Variants in KANK2 observed in about 807,000 individuals in gnomAD.
KANK2 encodes KN motif and ankyrin repeat domains 2, also known as KN motif and ankyrin repeat domain-containing protein 2.
A neutral mutation model predicts 74.6 loss-of-function variants in KANK2; 41 were observed. That is an observed-to-expected ratio of 0.55 (90% CI 0.43 to 0.71). The LOEUF (loss-of-function observed/expected upper bound fraction) is 0.71, where lower values mean the gene tolerates loss of function less well. Among genes scored for constraint, KANK2 ranks in the 30% least tolerant of loss-of-function variants. The pLI, the probability that KANK2 is intolerant of heterozygous loss-of-function variation, is 0.00. For synonymous variants in KANK2, 537 were observed against 519.0 expected, an observed-to-expected ratio of 1.03 and a Z score of -0.47; for missense variants, 1,148 against 1,196.4, an observed-to-expected ratio of 0.96 and a Z score of 0.60.
intron 3 of KANK2, 51 bp downstream of exon 3, chr19:11,194,424 T>A: frequency 6.6e-7 from 1 of 1,506,492 alleles, no homozygotes; most frequent in African/African-American, 1.4e-5. Flanking sequence ...CCCTCAGGCC[T>A]CCAGAACTGA....
chr19:11,196,057 C>CTT (rs34366498), intron 1 of KANK2: 48,160 of 124,576 alleles, frequency 0.39, 9,993 homozygotes, highest in South Asian at 0.48. Context: ...AACATCAACT[C>CTT]TTTTTTTTTT....
In KANK2 at chr19:11,169,964, A is replaced by T; in HGVS notation, c.2415T>A (p.Asp805Glu). ...PSCDISLTDR[D>E]GSTALMVALD... Reference sequence around the variant, plus strand: ...AGGCCACCATCAGAGCTGTGCTCCCATCCTGCAAAGTATCCGGTGCTATGA... The same window carrying T: ...AGGCCACCATCAGAGCTGTGCTCCCTTCCTGCAAAGTATCCGGTGCTATGA... Residue 805 changes from aspartate to glutamate, a missense_variant and splice_region_variant, in exon 12 of 13, where the codon GAT (aspartate) becomes GAA (glutamate). Asp to Glu is a conservative substitution (Grantham distance 45). Coordinates refer to ENST00000586659, the MANE Select transcript of KANK2 (RefSeq NM_001136191.3). The T allele has an allele frequency of 6.2e-7, 1 of 1,614,102 alleles. No homozygotes were observed. The highest frequency in any genetic ancestry group is 1.1e-5 in the South Asian group (1 of 91,076).
chr19:11,181,916 A>ATTTTT lies in KANK2; in HGVS notation c.1250-3201_1250-3197dup, dbSNP rs371144441. Among the ~76,000 whole-genome samples, 4 of 132,916 alleles carry ATTTTT rather than the reference A, an allele frequency of 3.0e-5. 1 individual carries two copies. The highest frequency in any genetic ancestry group is 4.7e-5 in the Non-Finnish European group (3 of 63,718). 87.2% of individuals were successfully genotyped at this position (132,916 alleles called of 152,430 possible). A position where few individuals can be genotyped will look rare whatever the true frequency, so the allele number is the denominator to read the frequency against. On this transcript the variant is annotated intron_variant, in intron 4 of 12. Coordinates refer to ENST00000586659, the MANE Select transcript of KANK2 (RefSeq NM_001136191.3). ...TACTCAAACATGGATAAGATGGTTA[A>ATTTTT]TTTTTTTTTTTTTTTTTTTGAGACG...
intron 4 of KANK2, among the ~76,000 whole-genome samples, chr19:11,179,651 A>G (rs1288706552): frequency 6.6e-6 from 1 of 152,000 alleles, no homozygotes; most frequent in Non-Finnish European, 1.5e-5. Context: ...TAAAAAATAA[A>G]AAAAAAAAAC....
rs753933217 is a variant in KANK2 at position 11,175,427 on chromosome 19, CAAAAAAAAAAAAAAA to C, written c.1848+460_1848+474del. Among the ~76,000 whole-genome samples the C allele has an allele frequency of 1.4e-3, 21 of 14,966 alleles. 1 individual carries two copies. Among genetic ancestry groups the C allele is most frequent in the Non-Finnish European group, 7.1e-4 (5 of 6,996 alleles). 9.8% of individuals were successfully genotyped at this position (14,966 alleles called of 152,430 possible). A position where few individuals can be genotyped will look rare whatever the true frequency, so the allele number is the denominator to read the frequency against. ...TGGGTGACAGAGCAAGACTCCCTCT[CAAAAAAAAAAAAAAA>C]AAAAAAAAAAAAAAGAATTTTTTTG... On this transcript the variant is annotated intron_variant, in intron 8 of 12. Coordinates refer to ENST00000586659, the MANE Select transcript of KANK2 (RefSeq NM_001136191.3).
intron 12 of KANK2, among the ~76,000 whole-genome samples, chr19:11,168,059 T>TG (rs2078074095): frequency 6.8e-6 from 1 of 147,370 alleles, no homozygotes; most frequent in Admixed American, 6.9e-5. Context: ...TGTTGCCCAA[T>TG]GTCATGATCT....
Position 11,193,976 on chromosome 19 carries a change from T to C in KANK2, c.104A>G (p.Glu35Gly), listed in dbSNP as rs2071809688. The C allele has an allele frequency of 6.2e-7, 1 of 1,613,844 alleles. No homozygotes were observed. The highest frequency in any genetic ancestry group is 1.3e-5 in the African/African-American group (1 of 74,880). The change falls in exon 4 of 13, where the codon GAG (glutamate) becomes GGG (glycine). Residue 35 changes from glutamate (E) to glycine (G), a missense_variant. Glu to Gly is a moderately conservative substitution (Grantham distance 98, BLOSUM62 -2). Coordinates refer to ENST00000586659, the MANE Select transcript of KANK2 (RefSeq NM_001136191.3). This position sits in a 1 kb window ranked among gnomAD's most constrained non-coding sequence, Gnocchi z 9.6. ...GTCCAGGCGGTAGCCATAGGGGGTC[T>C]CCACGGAGTAGGGTGGATCGGGGTC... ...AKDPDPPYSV[E>G]TPYGYRLDLD...
In KANK2 at chr19:11,165,600, C is replaced by T. The variant is rs2147347808; in HGVS notation, c.*958G>A. 1 of 152,204 alleles carries T rather than the reference C, an allele frequency of 6.6e-6. No individual in the cohort carries two copies. Among genetic ancestry groups the T allele is most frequent in the South Asian group, 2.1e-4 (1 of 4,800 alleles). 9.4% of individuals were successfully genotyped at this position (152,204 alleles called of 1,614,324 possible). On this transcript the variant is annotated 3_prime_UTR_variant, in exon 13 of 13. Coordinates refer to ENST00000586659, the MANE Select transcript of KANK2 (RefSeq NM_001136191.3). ...TTTCTTTTCTTTCTTGAGACAGGGT[C>T]TCGCTGTGTCGCCCAGGCTGAAGTG...
At chr19:11,196,905 G>C (rs965815605) in intron 1 of KANK2, 1 of 149,090 alleles carries the variant, frequency 6.7e-6, no homozygotes, top group African/African-American at 2.5e-5. Context: ...GTGGGGGGGG[G>C]TCTTCCCGCC....
chr19:11,168,307 T>G (rs2078080765), intron 12 of KANK2, among the ~76,000 whole-genome samples: 1 of 144,236 alleles, frequency 6.9e-6, no homozygotes, highest in Admixed American at 6.7e-5. Context: ...CCTGGCCTCT[T>G]TCTTTTTTTT....
chr19:11,169,931 T>C lies in KANK2; in HGVS notation c.2448A>G (p.Ala816=), dbSNP rs2078125131. The change falls in exon 12 of 13, where the codon GCA becomes GCG. Residue 816 remains alanine (A), a synonymous_variant. Transcript: ENST00000586659. ...GCATGGACGCAATCTCACTCTGCCC[T>C]GCGTCCAAGGCCACCATCAGAGCTG... ...GSTALMVALD[A]GQSEIASMLY... 6.2e-7 allele frequency: 1 copy of C among 1,614,186 alleles called. No individual in the cohort carries two copies. Among genetic ancestry groups the C allele is most frequent in the Non-Finnish European group, 8.5e-7 (1 of 1,180,018 alleles).
chr19:11,182,342 ACT>A (rs994857057), intron 4 of KANK2, among the ~76,000 whole-genome samples: 17 of 151,244 alleles, frequency 1.1e-4, no homozygotes, highest in African/African-American at 4.1e-4. Context: ...ACATAGCAAG[ACT>A]CTATCTCTGC....
At chr19:11,184,913 A>G (rs1376124210) in intron 4 of KANK2, among the ~76,000 whole-genome samples, 1 of 147,848 alleles carries the variant, frequency 6.8e-6, no homozygotes, top group Non-Finnish European at 1.5e-5. Flanking sequence ...CGCGAGGTCA[A>G]GTGATTCTCC....
intron 4 of KANK2, chr19:11,192,422 C>T: frequency 7.3e-6 from 2 of 272,780 alleles, no homozygotes. Context: ...GGGGCTGGAC[C>T]TTGGCATTCT....
In KANK2 at chr19:11,178,728, G is replaced by C. The variant is rs1026062529; in HGVS notation, c.1250-8C>G. ...CAGGAACTTCTGGGAGGCCTGGAGG[G>C]ACAGGAAATGAGTGTCTGCTCTTGG... is the stretch of plus-strand genomic sequence containing the variant. On this transcript the variant is annotated splice_region_variant and splice_polypyrimidine_tract_variant and intron_variant, in intron 4 of 12. Coordinates refer to ENST00000586659, the MANE Select transcript of KANK2 (RefSeq NM_001136191.3). The C allele has an allele frequency of 6.6e-7, 1 of 1,520,150 alleles. No individual in the cohort carries two copies. The highest frequency in any genetic ancestry group is 8.8e-7 in the Non-Finnish European group (1 of 1,139,120). 94.2% of individuals were successfully genotyped at this position (1,520,150 alleles called of 1,614,324 possible).
In KANK2 at chr19:11,174,945, T is replaced by TTC. The variant is rs1182860134; in HGVS notation, c.1849-255_1849-254dup. ...TGAGCACCTCCACCCTGGATATAAT[T>TTC]TCTCTCTCTCTCTTTTTTTTTTTTT... On this transcript the variant is annotated intron_variant, in intron 8 of 12. Transcript: ENST00000586659. 5.8e-4 allele frequency among the ~76,000 whole-genome samples: 88 copies of TTC among 150,664 alleles called. 1 individual carries two copies. Among genetic ancestry groups the TTC allele is most frequent in the East Asian group, 1.4e-3 (7 of 5,058 alleles).
intron 4 of KANK2, 114 bp from the exon 5 acceptor site, chr19:11,178,834 C>T (rs1003198029): frequency 2.6e-5 from 24 of 911,176 alleles, no homozygotes; most frequent in Admixed American, 7.2e-5. Flanking sequence ...TTTGTGTTAC[C>T]ACATCCAGTC....
At chr19:11,190,591 C>T (rs115254162) in intron 4 of KANK2, among the ~76,000 whole-genome samples, 599 of 152,270 alleles carry the variant, frequency 3.9e-3, no homozygotes, top group African/African-American at 0.014. Flanking sequence ...CTCCACCTCT[C>T]TAGAGGTGGA....
At chr19:11,190,413 G>A (rs964851616) in intron 4 of KANK2, among the ~76,000 whole-genome samples, 4 of 152,010 alleles carry the variant, frequency 2.6e-5, no homozygotes, top group Non-Finnish European at 4.4e-5. Context: ...CAGGCCTGAT[G>A]TTCTGGGTTT....
Sources: gnomAD v4.1 joint callset for allele counts (sites outside exome capture counted in the v4.1 genomes callset) on GRCh38, gnomAD v4.1.1 for gene constraint, Gnocchi (gnomAD v3.1) non-coding constraint, MANE v1.5 for transcripts, NCBI Gene and HGNC (gene_info 2026-07-23, HGNC 2026-07-21) for gene names.